The following PAICS variants were observed in gnomAD, a reference collection of about 807,000 sequenced individuals.
The protein encoded by PAICS is phosphoribosylaminoimidazole carboxylase and phosphoribosylaminoimidazolesuccinocarboxamide synthase.
In PAICS, 33 loss-of-function variants were observed where a neutral mutation model predicts 53.7. The ratio of observed to expected loss-of-function variants is 0.61; its 90% confidence interval spans 0.47 to 0.82. The LOEUF is 0.82. Among genes scored for constraint, PAICS ranks in the 40% least tolerant of loss-of-function variants. The pLI, the probability that PAICS is intolerant of heterozygous loss-of-function variation, is 0.00. For synonymous variants in PAICS, 141 were observed against 167.2 expected, an observed-to-expected ratio of 0.84 and a Z score of 1.21; for missense variants, 394 against 494.1, an observed-to-expected ratio of 0.80 and a Z score of 1.92.
upstream of PAICS, among the ~76,000 whole-genome samples, chr4:56,431,771 T>A (rs1170279561): frequency 6.6e-6 from 1 of 152,216 alleles, no homozygotes; most frequent in African/African-American, 2.4e-5. Context: ...AAAATGTGAC[T>A]GTGTTTTAAA....
chr4:56,427,587 G>A, the PAICS span, among the ~76,000 whole-genome samples: 2 of 151,060 alleles, frequency 1.3e-5, no homozygotes, highest in Non-Finnish European at 2.9e-5. Flanking sequence ...CAGGAGGATC[G>A]CTTGAGCTCA....
chr4:56,436,002 G>C (rs145192165), upstream of PAICS: 846 of 1,527,246 alleles, frequency 5.5e-4, 2 homozygotes, highest in African/African-American at 0.01. Context: ...AGAGTGGGGA[G>C]GGGCCGCCAG....
At chr4:56,410,783 C>T in the PAICS span, 1 of 986,598 alleles carries the variant, frequency 1.0e-6, no homozygotes, top group Non-Finnish European at 1.2e-6. Flanking sequence ...GAAGTTCTTC[C>T]ATGATTTGGA....
chr4:56,414,070 G>C, the PAICS span, among the ~76,000 whole-genome samples: 1 of 152,108 alleles, frequency 6.6e-6, no homozygotes, highest in African/African-American at 2.4e-5. Flanking sequence ...TGGGGTCTTA[G>C]AAATTTGCAT....
At chr4:56,427,991 T>C in the PAICS span, among the ~76,000 whole-genome samples, 6 of 152,204 alleles carry the variant, frequency 3.9e-5, no homozygotes, top group African/African-American at 1.2e-4. Flanking sequence ...ACTGGGACTT[T>C]CCATATTCAC....
upstream of PAICS, among the ~76,000 whole-genome samples, chr4:56,432,961 G>GAT (rs1006898843): frequency 2.7e-4 from 37 of 136,544 alleles, no homozygotes; most frequent in African/African-American, 7.4e-4. Flanking sequence ...CTCAGAGTAC[G>GAT]ATATATATAT....
chr4:56,452,903 T>G (rs916940211), intron 7 of PAICS, among the ~76,000 whole-genome samples: 8 of 152,304 alleles, frequency 5.3e-5, no homozygotes, highest in African/African-American at 1.9e-4. Context: ...GTTGTTGCTA[T>G]GGAAGTGTAG....
In PAICS at chr4:56,461,335, A is replaced by C. The variant is rs1283809172; in HGVS notation, c.*1797A>C. On this transcript the variant is annotated 3_prime_UTR_variant, in exon 9 of 9. Coordinates refer to ENST00000512576, the MANE Select transcript of PAICS (RefSeq NM_001079524.2). ...TTTATATCTTATGCTAGTTTATAAGAACAATTAAAAGGACTTAGAAGATTA... is the reference window on the plus strand; with the variant it reads ...TTTATATCTTATGCTAGTTTATAAGCACAATTAAAAGGACTTAGAAGATTA... 1 of 152,232 alleles carries C rather than the reference A, an allele frequency of 6.6e-6. No individual in the cohort carries two copies. Among genetic ancestry groups the C allele is most frequent in the East Asian group, 1.9e-4 (1 of 5,206 alleles). The allele number at this position is 152,232 out of a possible 1,614,324, so 9.4% of individuals were successfully genotyped here. A position where few individuals can be genotyped will look rare whatever the true frequency, so the allele number is the denominator to read the frequency against.
rs761645139 is a variant in PAICS, at chr4:56,441,686, T to C, written c.40T>C (p.Tyr14His). Reference sequence around the variant, plus strand: ...AGTACTGAACATTGGTAAAAAATTATATGAGGGTAAAACAAAAGAAGTCTA... The same window carrying C: ...AGTACTGAACATTGGTAAAAAATTACATGAGGGTAAAACAAAAGAAGTCTA... ...AEVLNIGKKL[Y>H]EGKTKEVYEL... The change falls in exon 2 of 9, where the codon TAT becomes CAT. Residue 14 changes from tyrosine (Y) to histidine (H), a missense_variant. Physicochemically the swap from Tyr to His is moderately conservative, Grantham distance 83. Coordinates refer to ENST00000512576, the MANE Select transcript of PAICS (RefSeq NM_001079524.2). 3.2e-6 allele frequency: 5 copies of C among 1,581,468 alleles called. No individual in the cohort carries two copies. In the Admixed American group the frequency reaches 7.5e-5, roughly 24 times the overall value.
At chr4:56,444,642 C>T (rs1718506456) in intron 2 of PAICS, among the ~76,000 whole-genome samples, 1 of 152,016 alleles carries the variant, frequency 6.6e-6, no homozygotes, top group South Asian at 2.1e-4. Context: ...TTTTTCTCAC[C>T]ATGCACAGTC....
At chr4:56,413,395 T>TC in the PAICS span, among the ~76,000 whole-genome samples, 1 of 152,174 alleles carries the variant, frequency 6.6e-6, no homozygotes, top group Non-Finnish European at 1.5e-5. Context: ...CCTCAAGTGA[T>TC]CTGCCCACCT....
At position 56,448,583 on chromosome 4, in the gene PAICS, C is replaced by T. The variant is rs751073813; in HGVS notation, c.559C>T (p.Leu187=). The T allele has an allele frequency of 2.5e-6, 4 of 1,599,918 alleles. No individual in the cohort carries two copies. Among genetic ancestry groups the T allele is most frequent in the Non-Finnish European group, 3.4e-6 (4 of 1,170,702 alleles). ...EKSWLPQNCT[L]VDMKIEFGVD... is the part of the protein sequence containing the mutation. ...ATCCTGGTTGCCCCAGAATTGTACA[C>T]TGGTTGATATGAAGGTACAGATAAA... The change falls in exon 4 of 9, where the codon CTG becomes TTG. Residue 187 remains leucine, a synonymous_variant. Transcript: ENST00000512576.
At chr4:56,457,420 T>C (rs1719269230) in intron 8 of PAICS, among the ~76,000 whole-genome samples, 1 of 151,982 alleles carries the variant, frequency 6.6e-6, no homozygotes, top group Non-Finnish European at 1.5e-5. Flanking sequence ...AAAAAAATAA[T>C]GTTTAAAAAG....
At chr4:56,453,528 CA>C (rs58717604) in intron 7 of PAICS, 74 bp from the exon 8 acceptor site, 110,746 of 850,324 alleles carry the variant, frequency 0.13, no homozygotes, top group Middle Eastern at 0.16. Flanking sequence ...GGCCTTAAAC[CA>C]AAAAAAAAAA....
chr4:56,446,353 C>A, intron 2 of PAICS: 1 of 717,814 alleles, frequency 1.4e-6, no homozygotes, highest in Non-Finnish European at 2.6e-6. Context: ...TTTGCCTATT[C>A]TAGTTACCTC....
rs1718360762 is a variant in PAICS at position 56,441,847 on chromosome 4, A to G, written c.201A>G (p.Leu67=). Residue 67 remains leucine, a synonymous_variant, in exon 2 of 9, where the codon TTA becomes TTG. Transcript: ENST00000512576. ...SNKITSCIFQ[L]LQEAGIKTAF... ...AAATCACCAGTTGTATTTTTCAGTT[A>G]TTACAGGAAGCAGGTAAGCAGCTCC... 1 of 1,594,874 alleles carries G rather than the reference A, an allele frequency of 6.3e-7. No homozygotes were observed. Among genetic ancestry groups the G allele is most frequent in the Non-Finnish European group, 8.5e-7 (1 of 1,170,224 alleles).
chr4:56,435,351 G>T (rs1450714959), upstream of PAICS: 2 of 1,594,848 alleles, frequency 1.3e-6, no homozygotes, highest in Non-Finnish European at 1.7e-6. Flanking sequence ...GTTGCTCACC[G>T]GTGCTGCAGC....
intron 8 of PAICS, 82 bp from the exon 9 acceptor site, chr4:56,459,290 C>CT (rs1450303083): frequency 2.3e-6 from 2 of 885,572 alleles, no homozygotes; most frequent in East Asian, 2.6e-5. Context: ...CAGGACTGCT[C>CT]TGAGTATAAA....
In PAICS at chr4:56,453,750, G is replaced by C; in HGVS notation, c.1100G>C (p.Arg367Pro). 1.3e-6 allele frequency: 2 copies of C among 1,544,954 alleles called. No individual in the cohort carries two copies. Among genetic ancestry groups the C allele is most frequent in the Non-Finnish European group, 1.8e-6 (2 of 1,141,494 alleles). Residue 367 changes from arginine (R) to proline (P), a missense_variant, in exon 8 of 9, where the codon CGA becomes CCA. This residue lies in a region of PAICS where 95 missense variants were observed against 89.3 expected (regional missense o/e 1.06). Coordinates refer to ENST00000512576, the MANE Select transcript of PAICS (RefSeq NM_001079524.2). ...GTTCAGGATGTGTGGTCTTCTCTTC[G>C]ACTACCCAGTGGTAAGATACATTGA... ...WGVQDVWSSLRLPSGLGCSTV... is the reference protein window; with the variant it reads ...WGVQDVWSSLPLPSGLGCSTV...
Sources: gnomAD v4.1 joint callset for allele counts (sites outside exome capture counted in the v4.1 genomes callset) on GRCh38, gnomAD v4.1.1 for gene constraint, gnomAD v4.1.1 regional missense constraint, MANE v1.5 for transcripts, NCBI Gene and HGNC (gene_info 2026-07-23, HGNC 2026-07-21) for gene names.